CDH4: variants seen among roughly 807,000 people sequenced by gnomAD.
The protein encoded by CDH4 is cadherin-4.
A neutral mutation model predicts 86.0 loss-of-function variants in CDH4; 33 were observed. The observed-to-expected ratio is 0.38, with a 90% confidence interval of 0.29 to 0.51. The LOEUF (loss-of-function observed/expected upper bound fraction) is 0.51. Among genes scored for constraint, CDH4 ranks in the 20% least tolerant of loss-of-function variants. CDH4 has a pLI of 0.86. For synonymous variants in CDH4, 555 were observed against 549.4 expected (o/e 1.01, Z -0.14); for missense variants, 1,114 against 1,307.4 (o/e 0.85, Z 2.28).
chr20:61,767,981 G>A (rs886438016), intron 3 of CDH4, among the ~76,000 whole-genome samples: 8 of 152,204 alleles, frequency 5.3e-5, no homozygotes, highest in Non-Finnish European at 1.0e-4. Context: ...GGCGACAGTG[G>A]GCGGCTGCCT....
intron 2 of CDH4, among the ~76,000 whole-genome samples, chr20:61,294,170 C>G (rs1489894287): frequency 2.6e-5 from 4 of 152,152 alleles, no homozygotes; most frequent in Admixed American, 2.6e-4. Flanking sequence ...CCCCCGCACT[C>G]CCTGATCCTG....
chr20:61,269,952 G>A lies in CDH4; in HGVS notation c.169+15015G>A, dbSNP rs988748443. Reference sequence around the variant, plus strand: ...CCTCCAGAATCTGGCCCCCAGATGTGGAGAGGGCCGGCCGACCTTTGCGGC... The same window carrying A: ...CCTCCAGAATCTGGCCCCCAGATGTAGAGAGGGCCGGCCGACCTTTGCGGC... On this transcript the variant is annotated intron_variant, in intron 2 of 15. Coordinates refer to ENST00000614565, the MANE Select transcript of CDH4 (RefSeq NM_001794.5). The surrounding 1 kb of genome is among the most constrained non-coding windows in gnomAD (Gnocchi z 5.3). Among the ~76,000 whole-genome samples the A allele has an allele frequency of 1.3e-5, 2 of 152,240 alleles. No individual in the cohort carries two copies. The highest frequency in any genetic ancestry group is 2.9e-5 in the Non-Finnish European group (2 of 68,050).
At chr20:61,611,713 G>T (rs2427184) in intron 2 of CDH4, among the ~76,000 whole-genome samples, 1 of 152,010 alleles carries the variant, frequency 6.6e-6, no homozygotes, top group Admixed American at 6.6e-5. Flanking sequence ...GCCAAACGAG[G>T]CTGTAGCCAA....
chr20:61,879,247 T>C lies in CDH4; in HGVS notation c.1050+5347T>C, dbSNP rs956654337. ...TGAGCCCGAGAAGCTGATTTCTGTCTGGCTTGGCGTATCAGAGAAGAGCAC... is the reference window on the plus strand; with the variant it reads ...TGAGCCCGAGAAGCTGATTTCTGTCCGGCTTGGCGTATCAGAGAAGAGCAC... On this transcript the variant is annotated intron_variant, in intron 7 of 15. Transcript: ENST00000614565. This position sits in a 1 kb window ranked among gnomAD's most constrained non-coding sequence, Gnocchi z 4.1. 2.6e-5 allele frequency among the ~76,000 whole-genome samples: 4 copies of C among 152,212 alleles called. No individual in the cohort carries two copies. The highest frequency in any genetic ancestry group is 9.6e-5 in the African/African-American group (4 of 41,458).
rs1263839934 is a variant in CDH4, at chr20:61,518,522, C to T, written c.170-225041C>T. Among the ~76,000 whole-genome samples, 2 of 151,708 alleles carry T rather than the reference C, an allele frequency of 1.3e-5. No individual in the cohort carries two copies. The highest frequency in any genetic ancestry group is 2.9e-5 in the Non-Finnish European group (2 of 67,922). On this transcript the variant is annotated intron_variant, in intron 2 of 15. Transcript: ENST00000614565. This position sits in a 1 kb window ranked among gnomAD's most constrained non-coding sequence, Gnocchi z 6.3. ...ATCATCCATCCATCCGTCCATCTAT[C>T]ATCCATCCATCTATCCATCATTCAT...
At chr20:61,760,840 C>A (rs980996725) in intron 3 of CDH4, among the ~76,000 whole-genome samples, 1 of 152,112 alleles carries the variant, frequency 6.6e-6, no homozygotes, top group Non-Finnish European at 1.5e-5. Context: ...CTACTGGTGT[C>A]ATTGATGTAA....
At position 61,733,156 on chromosome 20, in the gene CDH4, C is replaced by T. The variant is rs142917881; in HGVS notation, c.170-10407C>T. On this transcript the variant is annotated intron_variant, in intron 2 of 15. Coordinates refer to ENST00000614565, the MANE Select transcript of CDH4 (RefSeq NM_001794.5). ...AAAGAAGAAGGGCAGTCTCCTGGGACGCTAGGTGCTCAGTTGCTACCGCTG... is the reference window on the plus strand; with the variant it reads ...AAAGAAGAAGGGCAGTCTCCTGGGATGCTAGGTGCTCAGTTGCTACCGCTG... Among the ~76,000 whole-genome samples, 264 of 152,214 alleles carry T rather than the reference C, an allele frequency of 1.7e-3. 1 individual carries two copies. Among genetic ancestry groups the T allele is most frequent in the African/African-American group, 5.1e-3 (211 of 41,524 alleles).
chr20:61,611,393 G>C (rs545413717), intron 2 of CDH4, among the ~76,000 whole-genome samples: 2 of 152,018 alleles, frequency 1.3e-5, no homozygotes, highest in African/African-American at 4.8e-5. Flanking sequence ...GAGCTGAGCC[G>C]GGAACCTGGG....
chr20:61,606,815 G>T (rs1416184261), intron 2 of CDH4, among the ~76,000 whole-genome samples: 2 of 152,274 alleles, frequency 1.3e-5, no homozygotes, highest in Non-Finnish European at 2.9e-5. Context: ...AAATGACTCT[G>T]TGTGGCCTTG....
intron 2 of CDH4, among the ~76,000 whole-genome samples, chr20:61,715,858 G>A (rs1367721335): frequency 6.6e-6 from 1 of 152,218 alleles, no homozygotes. Flanking sequence ...GCCATAGCAG[G>A]AGCCAGCATT....
chr20:61,746,062 G>A (rs770138988), intron 3 of CDH4, among the ~76,000 whole-genome samples: 6 of 151,990 alleles, frequency 3.9e-5, no homozygotes, highest in Admixed American at 1.3e-4. Flanking sequence ...CAGGCTCAGC[G>A]CACCCTGGGG....
intron 2 of CDH4, among the ~76,000 whole-genome samples, chr20:61,336,825 C>T (rs891769617): frequency 3.3e-5 from 5 of 152,286 alleles, no homozygotes; most frequent in Admixed American, 6.5e-5. Flanking sequence ...AGGACTGAGA[C>T]GTGTTCCTTC....
intron 2 of CDH4, among the ~76,000 whole-genome samples, chr20:61,682,916 T>A (rs758156205): frequency 8.8e-4 from 134 of 152,102 alleles, no homozygotes; most frequent in Non-Finnish European, 9.1e-4. Context: ...ACCCATCTAG[T>A]ATTTCCTTTT....
rs971040629 is a variant in CDH4, at chr20:61,708,699, G to A, written c.170-34864G>A. 5.9e-5 allele frequency among the ~76,000 whole-genome samples: 9 copies of A among 152,034 alleles called. No homozygotes were observed. Among genetic ancestry groups the A allele is most frequent in the Non-Finnish European group, 1.2e-4 (8 of 68,008 alleles). On this transcript the variant is annotated intron_variant, in intron 2 of 15. Coordinates refer to ENST00000614565, the MANE Select transcript of CDH4 (RefSeq NM_001794.5). This position sits in a 1 kb window ranked among gnomAD's most constrained non-coding sequence, Gnocchi z 4.5. ...GGCTCAGAGAAATGCTGCCTTCTCC[G>A]GGGAGGCCCCATCCTCCCCAGCCTC...
chr20:61,424,149 TAC>T (rs1182410767), intron 2 of CDH4, among the ~76,000 whole-genome samples: 3 of 149,820 alleles, frequency 2.0e-5, no homozygotes, highest in Middle Eastern at 3.5e-3. Flanking sequence ...CACACATGTA[TAC>T]ACACATATCC....
intron 2 of CDH4, among the ~76,000 whole-genome samples, chr20:61,528,413 G>A (rs1283623945): frequency 1.7e-5 from 2 of 120,858 alleles, no homozygotes; most frequent in Non-Finnish European, 3.5e-5. Context: ...AGGGGAGGGG[G>A]GTGGAGGGGG....
chr20:61,449,801 A>G (rs1399609873), intron 2 of CDH4, among the ~76,000 whole-genome samples: 1 of 152,222 alleles, frequency 6.6e-6, no homozygotes, highest in Admixed American at 6.5e-5. Context: ...TGAGGCTATT[A>G]TTAGACTTAA....
At chr20:61,784,928 TC>T (rs1424033556) in intron 4 of CDH4, among the ~76,000 whole-genome samples, 1 of 152,092 alleles carries the variant, frequency 6.6e-6, no homozygotes, top group Non-Finnish European at 1.5e-5. Flanking sequence ...GCCTCCTCCT[TC>T]CTGGCCTCCA....
chr20:61,743,540 ACT>A, intron 2 of CDH4, 21 bp from the exon 3 acceptor site: 1 of 1,544,504 alleles, frequency 6.5e-7, no homozygotes, highest in Non-Finnish European at 8.8e-7. Flanking sequence ...GCCGACCCTG[ACT>A]CTCTCCCCCT....
Sources: allele counts gnomAD v4.1 joint callset (sites outside exome capture counted in the v4.1 genomes callset), GRCh38; gene constraint gnomAD v4.1.1; non-coding constraint Gnocchi (gnomAD v3.1); transcripts MANE v1.5; gene names NCBI Gene and HGNC (gene_info 2026-07-23, HGNC 2026-07-21).